Variants in NBAS observed in about 807,000 individuals in gnomAD.
NBAS encodes NBAS subunit of NRZ tethering complex.
Under a neutral mutation model 302.5 loss-of-function variants are expected in NBAS, and 219 were observed. The observed-to-expected ratio is 0.72, with a 90% CI of 0.65 to 0.81. The LOEUF is 0.81. Ranked by LOEUF, NBAS falls within the 30% of genes least tolerant of loss-of-function variation. NBAS has a pLI of 0.00. For synonymous variants in NBAS, 1,118 were observed against 1,021.6 expected (o/e 1.09, Z -1.80); for missense variants, 2,932 against 2,841.6 (o/e 1.03, Z -0.72).
the NBAS span, among the ~76,000 whole-genome samples, chr2:15,007,155 T>G: frequency 3.3e-5 from 5 of 152,222 alleles, no homozygotes; most frequent in Non-Finnish European, 7.3e-5. Context: ...GTGCTGATTT[T>G]CATCTTCATA....
the NBAS span, among the ~76,000 whole-genome samples, chr2:15,043,337 T>C: frequency 3.3e-5 from 5 of 152,190 alleles, no homozygotes; most frequent in Non-Finnish European, 7.3e-5. Flanking sequence ...TCCAAGGATC[T>C]CAGGCTGAGC....
chr2:15,091,164 C>T, the NBAS span, among the ~76,000 whole-genome samples: 6 of 152,152 alleles, frequency 3.9e-5, no homozygotes, highest in African/African-American at 1.4e-4. Context: ...TCGGTTAATA[C>T]GTTATTGGCC....
the NBAS span, among the ~76,000 whole-genome samples, chr2:15,146,724 T>C: frequency 1.3e-5 from 2 of 152,028 alleles, no homozygotes; most frequent in African/African-American, 2.4e-5. Context: ...GCAGAGCAGA[T>C]AGATGGTATA....
chr2:15,043,940 C>T, the NBAS span, among the ~76,000 whole-genome samples: 1 of 152,106 alleles, frequency 6.6e-6, no homozygotes, highest in Non-Finnish European at 1.5e-5. Flanking sequence ...GGGCAGAGAT[C>T]CTCTTAGTAA....
the NBAS span, among the ~76,000 whole-genome samples, chr2:14,805,474 A>G: frequency 6.6e-6 from 1 of 152,128 alleles, no homozygotes; most frequent in African/African-American, 2.4e-5. Flanking sequence ...TTAAGTAGGA[A>G]AGAAATAGGT....
chr2:15,480,044 G>C (rs1302491742), intron 12 of NBAS, among the ~76,000 whole-genome samples: 1 of 152,124 alleles, frequency 6.6e-6, no homozygotes, highest in Non-Finnish European at 1.5e-5. Flanking sequence ...CTTCTATTTA[G>C]TGAAAACATA....
chr2:15,536,526 C>T lies in NBAS; in HGVS notation c.539G>A (p.Ser180Asn). ...AAATATCAACCCAGCAATGGCATAG[C>T]TTAAGTCACCTATAAAACTAGATGC... ...SPASSFIGDLSYAIAGLIFLE... is the reference protein window; with the variant it reads ...SPASSFIGDLNYAIAGLIFLE... The change falls in exon 8 of 52, where the codon AGC (serine) becomes AAC (asparagine). Residue 180 changes from serine (S) to asparagine (N), a missense_variant. Ser to Asn is a conservative substitution (Grantham distance 46, BLOSUM62 1). Coordinates refer to ENST00000281513, the MANE Select transcript of NBAS (RefSeq NM_015909.4). 3 of 1,611,434 alleles carry T rather than the reference C, an allele frequency of 1.9e-6. No individual in the cohort carries two copies. The highest frequency in any genetic ancestry group is 2.5e-6 in the Non-Finnish European group (3 of 1,179,224).
In NBAS at chr2:15,352,902, TAGAG is replaced by T. The variant is rs201050027; in HGVS notation, c.4089+647_4089+650del. ...TGCTGGCTGCAACCAATTATTATCTTAGAGAGGCAGTGTGACAACTGCCTGACCC... is the reference window on the plus strand; with the variant it reads ...TGCTGGCTGCAACCAATTATTATCTTAGGCAGTGTGACAACTGCCTGACCC... On this transcript the variant is annotated intron_variant, in intron 34 of 51. Transcript: ENST00000281513. 8.4e-3 allele frequency among the ~76,000 whole-genome samples: 1,280 copies of T among 152,136 alleles called. 16 individuals carry two copies. Among genetic ancestry groups the T allele is most frequent in the East Asian group, 0.058 (300 of 5,146 alleles).
At chr2:15,049,141 T>G in the NBAS span, among the ~76,000 whole-genome samples, 1 of 152,160 alleles carries the variant, frequency 6.6e-6, no homozygotes, top group Non-Finnish European at 1.5e-5. Flanking sequence ...GGGTGATGCC[T>G]CATACACCAG....
At chr2:15,348,265 A>G (rs2148288732) in intron 35 of NBAS, among the ~76,000 whole-genome samples, 1 of 152,330 alleles carries the variant, frequency 6.6e-6, no homozygotes, top group East Asian at 1.9e-4. Flanking sequence ...ACAAAGGCAG[A>G]CAGGAAAGCT....
At chr2:14,945,281 G>A in the NBAS span, among the ~76,000 whole-genome samples, 1 of 152,090 alleles carries the variant, frequency 6.6e-6, no homozygotes, top group Non-Finnish European at 1.5e-5. Context: ...CAGCAACCTA[G>A]CAGTAAAGAA....
the NBAS span, among the ~76,000 whole-genome samples, chr2:14,799,232 C>T: frequency 2.4e-4 from 37 of 152,044 alleles, no homozygotes; most frequent in African/African-American, 8.7e-4. Flanking sequence ...TAACTTTGAT[C>T]GGTATCAATC....
chr2:14,906,487 G>GA, the NBAS span, among the ~76,000 whole-genome samples: 2 of 152,204 alleles, frequency 1.3e-5, no homozygotes, highest in Non-Finnish European at 2.9e-5. Context: ...CTCTGCCTGT[G>GA]ATGTGAACCC....
At chr2:15,106,695 G>A in the NBAS span, among the ~76,000 whole-genome samples, 1 of 151,898 alleles carries the variant, frequency 6.6e-6, no homozygotes, top group Non-Finnish European at 1.5e-5. Context: ...TTGAACATGT[G>A]TCACTGTCTT....
the NBAS span, among the ~76,000 whole-genome samples, chr2:15,154,230 A>C: frequency 1.3e-5 from 2 of 152,240 alleles, no homozygotes; most frequent in Non-Finnish European, 2.9e-5. Context: ...CAGTCAATGA[A>C]ATTCCCCACC....
At chr2:15,109,650 A>G in the NBAS span, among the ~76,000 whole-genome samples, 1 of 152,040 alleles carries the variant, frequency 6.6e-6, no homozygotes, top group African/African-American at 2.4e-5. Flanking sequence ...CAGGTTTTAG[A>G]CTGCTGATTC....
chr2:15,379,462 A>C (rs1674920275), intron 30 of NBAS, 140 bp downstream of exon 30: 3 of 844,854 alleles, frequency 3.6e-6, no homozygotes, highest in Non-Finnish European at 3.8e-6. Flanking sequence ...TTTATATTCA[A>C]GCAAAAAATA....
chr2:14,926,964 TA>T, the NBAS span, among the ~76,000 whole-genome samples: 2 of 152,234 alleles, frequency 1.3e-5, no homozygotes, highest in South Asian at 4.1e-4. Context: ...GATTTACATT[TA>T]TATCAATGGA....
chr2:15,423,298 A>G (rs1468052966), intron 23 of NBAS, among the ~76,000 whole-genome samples: 1 of 152,192 alleles, frequency 6.6e-6, no homozygotes, highest in Non-Finnish European at 1.5e-5. Context: ...GTCAATCACA[A>G]ATGTTCTTGG....
Sources: allele counts gnomAD v4.1 joint callset (sites outside exome capture counted in the v4.1 genomes callset), GRCh38; gene constraint gnomAD v4.1.1; transcripts MANE v1.5; gene names NCBI Gene and HGNC (gene_info 2026-07-23, HGNC 2026-07-21).